The following INPP4B variants were observed in gnomAD, a reference collection of about 807,000 sequenced individuals.
INPP4B encodes inositol polyphosphate 4-phosphatase type II.
A neutral mutation model predicts 122.5 loss-of-function variants in INPP4B; 55 were observed. The observed-to-expected ratio is 0.45, with a 90% CI of 0.36 to 0.56. The LOEUF (loss-of-function observed/expected upper bound fraction) is 0.56, where lower values mean the gene tolerates loss of function less well. INPP4B is among the 20% of genes least tolerant of loss of function. The pLI, the probability that INPP4B is intolerant of heterozygous loss-of-function variation, is 0.00. For synonymous variants in INPP4B, 403 were observed against 388.7 expected, an observed-to-expected ratio of 1.04 and a Z score of -0.43; for missense variants, 1,000 against 1,097.7, an observed-to-expected ratio of 0.91 and a Z score of 1.26.
chr4:142,545,823 A>G (rs1340013153), intron 2 of INPP4B, among the ~76,000 whole-genome samples: 3 of 59,780 alleles, frequency 5.0e-5, no homozygotes, highest in Non-Finnish European at 1.0e-4. Flanking sequence ...ACATGTGTGT[A>G]TATATATATA....
intron 12 of INPP4B, among the ~76,000 whole-genome samples, chr4:142,225,917 A>G (rs1378200260): frequency 6.6e-6 from 1 of 152,174 alleles, no homozygotes; most frequent in Admixed American, 6.5e-5. Context: ...TGGCTACCAC[A>G]GTCTCTCATC....
At chr4:142,775,278 C>T (rs1031748007) in intron 1 of INPP4B, among the ~76,000 whole-genome samples, 1 of 151,070 alleles carries the variant, frequency 6.6e-6, no homozygotes, top group Non-Finnish European at 1.5e-5. Flanking sequence ...TACTCTTGAA[C>T]CAATGTCATT....
chr4:142,713,733 A>T (rs1366921048), intron 2 of INPP4B, among the ~76,000 whole-genome samples: 1 of 152,158 alleles, frequency 6.6e-6, no homozygotes, highest in Non-Finnish European at 1.5e-5. Flanking sequence ...GTGTCCCTGG[A>T]GTCCCCTGAA....
At chr4:142,451,297 C>CTG (rs1217646102) in intron 3 of INPP4B, among the ~76,000 whole-genome samples, 2 of 131,690 alleles carry the variant, frequency 1.5e-5, no homozygotes, top group Non-Finnish European at 3.1e-5. Flanking sequence ...GTCTCCCAGG[C>CTG]TGTAGTGCAG....
chr4:142,317,209 T>A, intron 7 of INPP4B: 1 of 241,856 alleles, frequency 4.1e-6, no homozygotes, highest in Non-Finnish European at 8.6e-6. Flanking sequence ...AGAGTAAGAG[T>A]TCAGGGGGAA....
intron 23 of INPP4B, among the ~76,000 whole-genome samples, chr4:142,098,262 A>G (rs336304): frequency 0.89 from 135,174 of 151,988 alleles, 61,829 homozygotes; most frequent in Non-Finnish European, 0.99. Context: ...GCGGTGGAGA[A>G]GGATCAAAGG....
intron 14 of INPP4B, among the ~76,000 whole-genome samples, chr4:142,207,778 C>T (rs932682462): frequency 1.3e-5 from 2 of 152,046 alleles, no homozygotes; most frequent in Admixed American, 1.3e-4. Context: ...CATGAAAAAG[C>T]GAGATGAAAA....
intron 2 of INPP4B, among the ~76,000 whole-genome samples, chr4:142,471,197 T>C (rs949264428): frequency 1.3e-5 from 2 of 152,212 alleles, no homozygotes; most frequent in Non-Finnish European, 2.9e-5. Flanking sequence ...TATCACCAAA[T>C]GCTGTTATTT....
intron 2 of INPP4B, among the ~76,000 whole-genome samples, chr4:142,637,787 A>C (rs1749494712): frequency 6.6e-6 from 1 of 152,206 alleles, no homozygotes; most frequent in Admixed American, 6.5e-5. Context: ...TGTTTTCCAA[A>C]GTGGCTGCAT....
chr4:142,421,807 C>T (rs760117862), intron 5 of INPP4B, among the ~76,000 whole-genome samples: 21 of 152,114 alleles, frequency 1.4e-4, no homozygotes, highest in Middle Eastern at 3.2e-3. Context: ...GCCATTGTTA[C>T]AATGAATTAT....
intron 25 of INPP4B, among the ~76,000 whole-genome samples, chr4:142,063,609 A>G (rs1030631925): frequency 1.1e-4 from 17 of 152,292 alleles, no homozygotes; most frequent in Middle Eastern, 3.4e-3. Context: ...GGCAACTACT[A>G]AATTTAAAAT....
At chr4:142,764,905 C>A (rs1771872529) in intron 1 of INPP4B, among the ~76,000 whole-genome samples, 1 of 151,858 alleles carries the variant, frequency 6.6e-6, no homozygotes, top group African/African-American at 2.4e-5. Context: ...CAAAGGGAAC[C>A]ATGAAACTCG....
chr4:142,578,647 G>T (rs989745957), intron 2 of INPP4B, among the ~76,000 whole-genome samples: 5 of 151,730 alleles, frequency 3.3e-5, no homozygotes, highest in Non-Finnish European at 5.9e-5. Flanking sequence ...CACACTGATG[G>T]CTTCATTTTA....
chr4:142,510,259 A>C (rs1372486061), intron 2 of INPP4B, among the ~76,000 whole-genome samples: 2 of 152,188 alleles, frequency 1.3e-5, no homozygotes, highest in African/African-American at 2.4e-5. Context: ...CCAACACAGA[A>C]TGCCACCAGC....
At chr4:142,671,366 T>C (rs1176132704) in intron 2 of INPP4B, among the ~76,000 whole-genome samples, 1 of 152,164 alleles carries the variant, frequency 6.6e-6, no homozygotes, top group Non-Finnish European at 1.5e-5. Flanking sequence ...AGCCTTCATC[T>C]CAATATAGTC....
chr4:142,662,232 CA>C (rs113881988), intron 2 of INPP4B, among the ~76,000 whole-genome samples: 2,592 of 125,860 alleles, frequency 0.021, 30 homozygotes, highest in Non-Finnish European at 0.025. Context: ...GAGACTGCCT[CA>C]AAAAAAAAAA....
At chr4:142,135,897 C>G (rs533967142) in intron 18 of INPP4B, among the ~76,000 whole-genome samples, 19 of 119,994 alleles carry the variant, frequency 1.6e-4, no homozygotes, top group African/African-American at 7.8e-4. Context: ...CCCAGGTTCA[C>G]GCCATTCTCC....
chr4:142,139,916 G>A (rs1004115047), intron 18 of INPP4B, among the ~76,000 whole-genome samples: 47 of 152,258 alleles, frequency 3.1e-4, no homozygotes, highest in African/African-American at 1.1e-3. Context: ...GGCTTCCAGT[G>A]ATCCACCCAC....
chr4:142,701,617 T>G (rs556798761), intron 2 of INPP4B, among the ~76,000 whole-genome samples: 4 of 152,324 alleles, frequency 2.6e-5, no homozygotes, highest in African/African-American at 7.2e-5. Flanking sequence ...TTGTAGAATT[T>G]TTTGTTAAAC....
Sources: allele counts gnomAD v4.1 joint callset (sites outside exome capture counted in the v4.1 genomes callset), GRCh38; gene constraint gnomAD v4.1.1; transcripts MANE v1.5; gene names NCBI Gene and HGNC (gene_info 2026-07-23, HGNC 2026-07-21).